CBX1: variants seen among roughly 807,000 people sequenced by gnomAD.
The protein encoded by CBX1 is chromobox 1.
Under a neutral mutation model 25.1 loss-of-function variants are expected in CBX1, and 10 were observed. The ratio of observed to expected loss-of-function variants is 0.40; its 90% CI spans 0.25 to 0.68. The LOEUF is 0.68. CBX1 is among the 30% of genes least tolerant of loss of function. The probability of loss-of-function intolerance (pLI) is 0.40; values close to 1 mark genes in which losing one functional copy is unlikely to be tolerated. For missense variants in CBX1, 106 were observed against 218.5 expected (o/e 0.49, Z 3.25); for synonymous variants, 63 against 79.4 (o/e 0.79, Z 1.10).
At chr17:48,099,878 C>T (rs931259356) in intron 1 of CBX1, among the ~76,000 whole-genome samples, 34 of 152,116 alleles carry the variant, frequency 2.2e-4, no homozygotes, top group African/African-American at 7.7e-4. Flanking sequence ...CAGTGGCTCA[C>T]GCCTATAATC....
chr17:48,101,089 G>C (rs910064195), intron 1 of CBX1, 179 bp downstream of exon 1: 21 of 986,340 alleles, frequency 2.1e-5, no homozygotes, highest in East Asian at 1.1e-4. Context: ...AGCTGGCACC[G>C]ACGCCTCAGC....
chr17:48,075,918 A>C, intron 3 of CBX1, 83 bp downstream of exon 3: 5 of 1,018,364 alleles, frequency 4.9e-6, no homozygotes, highest in Non-Finnish European at 7.1e-6. Context: ...GACAGCTGCT[A>C]ATATCAGGGA....
chr17:48,085,429 C>T (rs1222681014), intron 1 of CBX1, among the ~76,000 whole-genome samples: 1 of 152,128 alleles, frequency 6.6e-6, no homozygotes, highest in Non-Finnish European at 1.5e-5. Flanking sequence ...AGGGTAACAT[C>T]CCTCCAGCCT....
chr17:48,089,983 T>C (rs1197001783), intron 1 of CBX1, among the ~76,000 whole-genome samples: 4 of 151,300 alleles, frequency 2.6e-5, no homozygotes, highest in Non-Finnish European at 4.4e-5. Flanking sequence ...TGCAGTGGCA[T>C]GATCTCGGCT....
At chr17:48,096,384 G>A in intron 1 of CBX1, 2 of 984,876 alleles carry the variant, frequency 2.0e-6, no homozygotes, top group Non-Finnish European at 2.4e-6. Flanking sequence ...TGGACACAGA[G>A]ATACCTCAAG....
intron 1 of CBX1, among the ~76,000 whole-genome samples, chr17:48,080,082 G>A (rs917805600): frequency 2.0e-5 from 3 of 152,036 alleles, no homozygotes; most frequent in Middle Eastern, 3.4e-3. Context: ...TCCCTCTGTC[G>A]CCCAGGCTGC....
intron 1 of CBX1, chr17:48,088,820 A>G (rs2063327257): frequency 6.6e-6 from 1 of 152,042 alleles, no homozygotes; most frequent in Non-Finnish European, 1.5e-5. Context: ...TGTATCTTTG[A>G]CATTATTCCA....
chr17:48,077,016 G>A lies in CBX1; in HGVS notation c.-12C>T. The A allele has an allele frequency of 6.2e-7, 1 of 1,611,174 alleles. No individual in the cohort carries two copies. Among genetic ancestry groups the A allele is most frequent in the Non-Finnish European group, 8.5e-7 (1 of 1,178,758 alleles). On this transcript the variant is annotated 5_prime_UTR_variant, in exon 2 of 5. Coordinates refer to ENST00000225603, the MANE Select transcript of CBX1 (RefSeq NM_001127228.2). Reference sequence around the variant, plus strand: ...TGTTTTTTCCCCATAGTGCCCGCCAGCTTTCTGGTGTAAAGGGTGACGCTG... The same window carrying A: ...TGTTTTTTCCCCATAGTGCCCGCCAACTTTCTGGTGTAAAGGGTGACGCTG...
intron 1 of CBX1, among the ~76,000 whole-genome samples, chr17:48,092,689 T>A (rs2063350550): frequency 6.6e-6 from 1 of 151,878 alleles, no homozygotes; most frequent in Non-Finnish European, 1.5e-5. Flanking sequence ...CCTGACCTCG[T>A]GATCCACTTA....
In CBX1 at chr17:48,100,137, C is replaced by CA. The variant is rs543123998; in HGVS notation, c.-38+1130dup. Among the ~76,000 whole-genome samples the CA allele has an allele frequency of 2.8e-3, 160 of 56,878 alleles. 2 individuals carry two copies. Among genetic ancestry groups the CA allele is most frequent in the Middle Eastern group, 0.011 (1 of 88 alleles). The allele number at this position is 56,878 out of a possible 152,430, so 37.3% of individuals were successfully genotyped here. A position where few individuals can be genotyped will look rare whatever the true frequency, so the allele number is the denominator to read the frequency against. On this transcript the variant is annotated intron_variant, in intron 1 of 4. Coordinates refer to ENST00000225603, the MANE Select transcript of CBX1 (RefSeq NM_001127228.2). ...CTGGGCAACAGAGGAAGACTCTTCT[C>CA]AAAAAAAAAAAAAAAAAGAGGTAAA...
At chr17:48,088,074 G>C (rs1376033925) in intron 1 of CBX1, 1 of 152,098 alleles carries the variant, frequency 6.6e-6, no homozygotes, top group Admixed American at 6.6e-5. Context: ...ACTTTGGAAG[G>C]CCAAGGCGGG....
At chr17:48,098,619 T>C (rs1362446713) in intron 1 of CBX1, among the ~76,000 whole-genome samples, 1 of 152,170 alleles carries the variant, frequency 6.6e-6, no homozygotes, top group Non-Finnish European at 1.5e-5. Context: ...TGCCTCAGCC[T>C]CCCAAGTAGC....
chr17:48,073,828 A>C (rs1176049210), intron 4 of CBX1, among the ~76,000 whole-genome samples: 1 of 115,004 alleles, frequency 8.7e-6, no homozygotes, highest in Non-Finnish European at 2.0e-5. Flanking sequence ...CTGTCTCAAA[A>C]AAAAAAAAAA....
chr17:48,072,960 A>G (rs1234404124), intron 4 of CBX1, among the ~76,000 whole-genome samples: 1 of 151,954 alleles, frequency 6.6e-6, no homozygotes, highest in African/African-American at 2.4e-5. Flanking sequence ...TGTTGCTACT[A>G]AAAATACAAA....
At chr17:48,097,436 A>G (rs1164344586) in intron 1 of CBX1, among the ~76,000 whole-genome samples, 1 of 151,956 alleles carries the variant, frequency 6.6e-6, no homozygotes, top group Non-Finnish European at 1.5e-5. Context: ...CCAACATGGC[A>G]AGACCCCCAT....
intron 1 of CBX1, among the ~76,000 whole-genome samples, chr17:48,089,140 G>A (rs1166373803): frequency 7.1e-5 from 10 of 139,878 alleles, no homozygotes; most frequent in African/African-American, 2.1e-4. Flanking sequence ...TCACTCAGTC[G>A]CCCAGGCTGG....
At chr17:48,088,644 A>G (rs1363061778) in intron 1 of CBX1, 1 of 150,810 alleles carries the variant, frequency 6.6e-6, no homozygotes, top group East Asian at 2.0e-4. Context: ...ATAAATAAAA[A>G]TTTCTTACTT....
At chr17:48,071,995 A>ATT (rs5820681) in intron 4 of CBX1, among the ~76,000 whole-genome samples, 5 of 121,384 alleles carry the variant, frequency 4.1e-5, no homozygotes, top group African/African-American at 9.6e-5. Flanking sequence ...TTGTAATAGG[A>ATT]TTTTTTTTTT....
chr17:48,084,859 G>A (rs954842397), intron 1 of CBX1, among the ~76,000 whole-genome samples: 5 of 150,826 alleles, frequency 3.3e-5, no homozygotes, highest in Non-Finnish European at 7.4e-5. Flanking sequence ...GCAGTGAGCC[G>A]AGATCGCGCC....
Sources: allele counts gnomAD v4.1 joint callset (sites outside exome capture counted in the v4.1 genomes callset), GRCh38; gene constraint gnomAD v4.1.1; transcripts MANE v1.5; gene names NCBI Gene and HGNC (gene_info 2026-07-23, HGNC 2026-07-21).